Variants in SLCO1C1 observed in about 807,000 individuals in gnomAD.
SLCO1C1 encodes OAT-RP-5.
A neutral mutation model predicts 76.4 loss-of-function variants in SLCO1C1; 70 were observed. The observed-to-expected ratio is 0.92, with a 90% CI of 0.76 to 1.12. The LOEUF is 1.12. Ranked by LOEUF, SLCO1C1 falls within the 50% of genes most tolerant of loss-of-function variation. SLCO1C1 has a pLI of 0.00. For synonymous variants in SLCO1C1, 306 were observed against 286.1 expected (o/e 1.07, Z -0.70); for missense variants, 912 against 823.8 (o/e 1.11, Z -1.31).
intron 13 of SLCO1C1, among the ~76,000 whole-genome samples, chr12:20,746,285 T>C (rs1393099226): frequency 2.6e-5 from 4 of 152,162 alleles, no homozygotes; most frequent in Non-Finnish European, 4.4e-5. Context: ...CATGAGTTTA[T>C]AATGATACTT....
chr12:20,705,973 T>C lies in SLCO1C1; in HGVS notation c.296T>C (p.Val99Ala). ...GGGAATCTCTTAGTTATAACATTTG[T>C]TAGCTACTTTGGAGCCAAACTTCAC... Reference protein sequence around the residue: ...EIGNLLVITFVSYFGAKLHRP... With the variant: ...EIGNLLVITFASYFGAKLHRP... Residue 99 changes from valine to alanine, a missense_variant, in exon 4 of 15, where the codon GTT becomes GCT. Val to Ala is a moderately conservative substitution (Grantham distance 64). Transcript: ENST00000266509. 1 of 1,613,380 alleles carries C rather than the reference T, an allele frequency of 6.2e-7. No individual in the cohort carries two copies. The highest frequency in any genetic ancestry group is 8.5e-7 in the Non-Finnish European group (1 of 1,179,422).
chr12:20,701,603 T>C, intron 3 of SLCO1C1, 144 bp downstream of exon 3: 1 of 714,356 alleles, frequency 1.4e-6, no homozygotes, highest in East Asian at 3.3e-5. Context: ...GAATTTACCA[T>C]GATCTTATTC....
Position 20,750,770 on chromosome 12 carries a change from T to C in SLCO1C1, c.1894T>C (p.Leu632=). The change falls in exon 14 of 15, where the codon TTA becomes CTA. Residue 632 remains leucine (L), a synonymous_variant. Coordinates refer to ENST00000266509, the MANE Select transcript of SLCO1C1 (RefSeq NM_017435.5). ...KRCGSRGSCR[L]YDSNVFRHIY... is the part of the protein sequence containing the mutation. Reference sequence around the variant, plus strand: ...ATGTGGAAGTAGAGGATCATGCAGATTATATGATTCAAATGTCTTCAGGTA... The same window carrying C: ...ATGTGGAAGTAGAGGATCATGCAGACTATATGATTCAAATGTCTTCAGGTA... 1 of 1,613,940 alleles carries C rather than the reference T, an allele frequency of 6.2e-7. No homozygotes were observed. The highest frequency in any genetic ancestry group is 8.5e-7 in the Non-Finnish European group (1 of 1,179,890).
At chr12:20,710,941 C>A (rs1488174395) in intron 4 of SLCO1C1, among the ~76,000 whole-genome samples, 1 of 151,956 alleles carries the variant, frequency 6.6e-6, no homozygotes, top group Non-Finnish European at 1.5e-5. Flanking sequence ...TATTTTCTGT[C>A]ATTAATTGAC....
intron 9 of SLCO1C1, among the ~76,000 whole-genome samples, chr12:20,723,461 C>T (rs896849406): frequency 6.6e-6 from 1 of 152,084 alleles, no homozygotes; most frequent in African/African-American, 2.4e-5. Flanking sequence ...GAAGTGATAT[C>T]ATAGAGATGA....
chr12:20,743,897 TTAAA>T (rs1353279732), intron 13 of SLCO1C1, among the ~76,000 whole-genome samples: 8 of 151,986 alleles, frequency 5.3e-5, no homozygotes, highest in African/African-American at 1.7e-4. Flanking sequence ...TACCAAATTT[TTAAA>T]TATATATTGA....
intron 11 of SLCO1C1, among the ~76,000 whole-genome samples, chr12:20,738,545 T>C (rs982303824): frequency 3.3e-5 from 5 of 152,220 alleles, no homozygotes; most frequent in African/African-American, 7.2e-5. Flanking sequence ...GCAGAAAGGA[T>C]TGGTTTCTAG....
intron 7 of SLCO1C1, among the ~76,000 whole-genome samples, chr12:20,720,750 C>A (rs1490331039): frequency 6.6e-6 from 1 of 152,190 alleles, no homozygotes; most frequent in Non-Finnish European, 1.5e-5. Flanking sequence ...GTAATCCCAG[C>A]ACTTTGGGAG....
intron 8 of SLCO1C1, 57 bp downstream of exon 8, chr12:20,722,106 AT>A: frequency 6.5e-7 from 1 of 1,546,014 alleles, no homozygotes; most frequent in Non-Finnish European, 8.7e-7. Flanking sequence ...GCTTAAGGAG[AT>A]TTATAAATTA....
intron 1 of SLCO1C1, chr12:20,696,990 T>A (rs1946297823): frequency 6.6e-6 from 1 of 152,150 alleles, no homozygotes. Context: ...TATATTTCAT[T>A]ATACTTTTGA....
At chr12:20,733,209 G>T (rs1592299687) in intron 10 of SLCO1C1, 105 bp downstream of exon 10, 1 of 1,076,716 alleles carries the variant, frequency 9.3e-7, no homozygotes, top group East Asian at 2.6e-5. Flanking sequence ...TCATAACTAT[G>T]GTAAGCAACT....
At position 20,711,433 on chromosome 12, in the gene SLCO1C1, T is replaced by C; in HGVS notation, c.452T>C (p.Ile151Thr). The stretch of plus-strand genomic sequence containing the variant: ...CCTTCCTCCAATTCCACTCTCAGCA[T>C]CTCTCCGTGTCTCCTAGAGTCAAGC... ...YSPSSNSTLS[I>T]SPCLLESSSQ... The change falls in exon 5 of 15, where the codon ATC becomes ACC. Residue 151 changes from isoleucine to threonine, a missense_variant. Physicochemically the swap from Ile to Thr is moderately conservative, Grantham distance 89. Coordinates refer to ENST00000266509, the MANE Select transcript of SLCO1C1 (RefSeq NM_017435.5). The C allele has an allele frequency of 6.2e-7, 1 of 1,613,816 alleles. No homozygotes were observed. Among genetic ancestry groups the C allele is most frequent in the African/African-American group, 1.3e-5 (1 of 75,036 alleles).
intron 3 of SLCO1C1, among the ~76,000 whole-genome samples, chr12:20,703,320 A>AT (rs2120619884): frequency 6.6e-6 from 1 of 151,994 alleles, no homozygotes; most frequent in African/African-American, 2.4e-5. Flanking sequence ...GTTTTAATTG[A>AT]TTTTCCATGG....
intron 7 of SLCO1C1, among the ~76,000 whole-genome samples, chr12:20,721,340 C>T (rs1377169377): frequency 1.3e-5 from 2 of 152,168 alleles, no homozygotes; most frequent in African/African-American, 4.8e-5. Context: ...TCATTTCAAC[C>T]TCCAACAACC....
Position 20,752,701 on chromosome 12 carries a change from G to T in SLCO1C1, c.*173G>T. ...CTGATAATATACTGAAACATATAAT[G>T]GAAGATGCAGATGATAAAACTAATT... On this transcript the variant is annotated 3_prime_UTR_variant, in exon 15 of 15. Coordinates refer to ENST00000266509, the MANE Select transcript of SLCO1C1 (RefSeq NM_017435.5). 1 of 418,596 alleles carries T rather than the reference G, an allele frequency of 2.4e-6. No homozygotes were observed. The highest frequency in any genetic ancestry group is 4.2e-6 in the Non-Finnish European group (1 of 239,402). 25.9% of individuals were successfully genotyped at this position (418,596 alleles called of 1,614,324 possible). A position where few individuals can be genotyped will look rare whatever the true frequency, so the allele number is the denominator to read the frequency against.
chr12:20,717,979 G>C (rs1947467995), intron 7 of SLCO1C1, among the ~76,000 whole-genome samples: 1 of 151,938 alleles, frequency 6.6e-6, no homozygotes, highest in Admixed American at 6.6e-5. Flanking sequence ...AAAACAGAAA[G>C]CAAAATTCTT....
chr12:20,704,168 G>A (rs1243180306), intron 3 of SLCO1C1, among the ~76,000 whole-genome samples: 1 of 151,134 alleles, frequency 6.6e-6, no homozygotes, highest in Non-Finnish European at 1.5e-5. Flanking sequence ...TATTTCAAAT[G>A]TATCTCCTGA....
chr12:20,741,147 C>G (rs1948801605), intron 12 of SLCO1C1, among the ~76,000 whole-genome samples: 1 of 151,944 alleles, frequency 6.6e-6, no homozygotes, highest in Admixed American at 6.6e-5. Flanking sequence ...TGAGAACACA[C>G]TATCACAACA....
chr12:20,725,231 GA>G (rs987139382), intron 9 of SLCO1C1, among the ~76,000 whole-genome samples: 17 of 135,104 alleles, frequency 1.3e-4, no homozygotes, highest in East Asian at 4.2e-4. Flanking sequence ...GTTAAAGAAA[GA>G]AAAAATACAA....
Sources: allele counts gnomAD v4.1 joint callset (sites outside exome capture counted in the v4.1 genomes callset), GRCh38; gene constraint gnomAD v4.1.1; transcripts MANE v1.5; gene names NCBI Gene and HGNC (gene_info 2026-07-23, HGNC 2026-07-21).